Variants in SEPTIN7 observed in about 807,000 individuals in gnomAD.
The protein encoded by SEPTIN7 is septin-7.
A neutral mutation model predicts 63.3 loss-of-function variants in SEPTIN7; 10 were observed. That is an observed-to-expected ratio of 0.16 (90% CI 0.10 to 0.27). The LOEUF (loss-of-function observed/expected upper bound fraction) is 0.27, where lower values mean the gene tolerates loss of function less well. Ranked by LOEUF, SEPTIN7 falls within the 10% of genes least tolerant of loss-of-function variation. The probability of loss-of-function intolerance (pLI) is 1.00; values close to 1 mark genes in which losing one functional copy is unlikely to be tolerated. For synonymous variants in SEPTIN7, 131 were observed against 165.3 expected, an observed-to-expected ratio of 0.79 and a Z score of 1.59; for missense variants, 310 against 521.0, an observed-to-expected ratio of 0.59 and a Z score of 3.94.
At chr7:35,886,413 C>G (rs1166470108) in intron 10 of SEPTIN7, among the ~76,000 whole-genome samples, 3 of 93,788 alleles carry the variant, frequency 3.2e-5, no homozygotes, top group African/African-American at 1.1e-4. Context: ...TCGAGGCCAT[C>G]CTGATTAGAG....
At chr7:35,835,293 A>C (rs1197361552) in intron 3 of SEPTIN7, among the ~76,000 whole-genome samples, 1 of 152,196 alleles carries the variant, frequency 6.6e-6, no homozygotes, top group African/African-American at 2.4e-5. Flanking sequence ...AATTGGGGCC[A>C]AGATTGAAGG....
chr7:35,821,785 T>A (rs1789424688), intron 1 of SEPTIN7, among the ~76,000 whole-genome samples: 1 of 152,236 alleles, frequency 6.6e-6, no homozygotes, highest in Non-Finnish European at 1.5e-5. Flanking sequence ...TTATTATTTT[T>A]ATTTTTATTT....
At chr7:35,821,921 G>C (rs1789433841) in intron 1 of SEPTIN7, among the ~76,000 whole-genome samples, 1 of 152,078 alleles carries the variant, frequency 6.6e-6, no homozygotes, top group Non-Finnish European at 1.5e-5. Context: ...TGCGATTACA[G>C]GTGCATGCCT....
chr7:35,873,242 A>G (rs544343871), intron 5 of SEPTIN7, among the ~76,000 whole-genome samples: 1 of 151,912 alleles, frequency 6.6e-6, no homozygotes, highest in African/African-American at 2.4e-5. Context: ...TTGAATTCAC[A>G]TTGTTTTTGA....
intron 9 of SEPTIN7, among the ~76,000 whole-genome samples, chr7:35,884,726 T>C (rs763297935): frequency 2.1e-4 from 32 of 152,326 alleles, no homozygotes; most frequent in Admixed American, 3.9e-4. Context: ...CTTTTTGATA[T>C]CTCATATTTA....
At chr7:35,826,933 A>G (rs1348853947) in intron 1 of SEPTIN7, among the ~76,000 whole-genome samples, 2 of 152,160 alleles carry the variant, frequency 1.3e-5, no homozygotes, top group East Asian at 3.8e-4. Context: ...TCAGTAATCT[A>G]TCTATTAGAA....
intron 8 of SEPTIN7, among the ~76,000 whole-genome samples, 159 bp from the exon 9 acceptor site, chr7:35,883,732 C>G (rs1338479529): frequency 1.3e-5 from 2 of 150,936 alleles, no homozygotes; most frequent in African/African-American, 4.9e-5. Flanking sequence ...TGGCAGTTTA[C>G]TAAATATTTG....
At chr7:35,893,850 A>C (rs1479793392) in intron 11 of SEPTIN7, among the ~76,000 whole-genome samples, 3 of 152,206 alleles carry the variant, frequency 2.0e-5, no homozygotes. Flanking sequence ...TTGTCCAGTC[A>C]GCTATAATTT....
At chr7:35,909,708 T>C (rs6980161), downstream of SEPTIN7, among the ~76,000 whole-genome samples, 143,628 of 152,264 alleles carry the variant, frequency 0.94, 68,217 homozygotes, top group East Asian at 1. Flanking sequence ...CCTGAGAAGG[T>C]TATGACATGG....
chr7:35,822,010 G>C (rs1426080268), intron 1 of SEPTIN7, among the ~76,000 whole-genome samples: 1 of 152,144 alleles, frequency 6.6e-6, no homozygotes, highest in East Asian at 1.9e-4. Context: ...ACCGACCTCA[G>C]ATGATCCACC....
chr7:35,912,235 T>C, the SEPTIN7 span, among the ~76,000 whole-genome samples: 1 of 152,194 alleles, frequency 6.6e-6, no homozygotes, highest in Non-Finnish European at 1.5e-5. Flanking sequence ...TGGAAGGTTG[T>C]GGGTTTACCG....
chr7:35,868,377 G>A (rs1224131763), intron 4 of SEPTIN7, among the ~76,000 whole-genome samples: 2 of 152,164 alleles, frequency 1.3e-5, no homozygotes, highest in African/African-American at 4.8e-5. Flanking sequence ...TAACATATTT[G>A]AATGCTTGTC....
intron 10 of SEPTIN7, among the ~76,000 whole-genome samples, chr7:35,889,642 C>T (rs970182344): frequency 3.9e-5 from 6 of 152,126 alleles, no homozygotes; most frequent in Non-Finnish European, 8.8e-5. Context: ...TTCCTGGGTT[C>T]AAGCGATTCT....
chr7:35,804,367 A>C (rs1239659384), intron 1 of SEPTIN7, among the ~76,000 whole-genome samples: 1 of 152,192 alleles, frequency 6.6e-6, no homozygotes, highest in Non-Finnish European at 1.5e-5. Flanking sequence ...CTGGAGACTA[A>C]GCTTTGAGCA....
Position 35,801,243 on chromosome 7 carries a change from G to T in SEPTIN7, c.34G>T (p.Glu12Ter), listed in dbSNP as rs1468288535. 1 of 1,536,348 alleles carries T rather than the reference G, an allele frequency of 6.5e-7. No homozygotes were observed. Among genetic ancestry groups the T allele is most frequent in the Non-Finnish European group, 8.7e-7 (1 of 1,142,864 alleles). ...SVSARSAAAEERSVNSSTMVA... is the reference protein window; with the variant it reads ...SVSARSAAAE The stretch of plus-strand genomic sequence containing the variant: ...CAGTGCGAGATCCGCTGCTGCTGAG[G>T]AGAGGAGCGTCAACAGCAGCACCAT... The change falls in exon 1 of 14, where the codon GAG becomes TAG. Residue 12 changes from glutamate (E) to a stop codon, truncating the protein, a stop_gained. Transcript: ENST00000350320. LOFTEE classifies it high-confidence loss of function.
intron 3 of SEPTIN7, among the ~76,000 whole-genome samples, chr7:35,848,807 T>C (rs952259448): frequency 3.9e-5 from 6 of 152,144 alleles, no homozygotes; most frequent in Non-Finnish European, 8.8e-5. Flanking sequence ...TCTGGTAACA[T>C]GATGATTTAA....
At chr7:35,858,248 A>G (rs1228572420) in intron 3 of SEPTIN7, among the ~76,000 whole-genome samples, 2 of 151,616 alleles carry the variant, frequency 1.3e-5, no homozygotes, top group Non-Finnish European at 2.9e-5. Flanking sequence ...CCCAACCCCC[A>G]CTTTTATTTC....
chr7:35,882,692 T>G, intron 8 of SEPTIN7, 116 bp downstream of exon 8: 1 of 911,932 alleles, frequency 1.1e-6, no homozygotes, highest in Non-Finnish European at 1.4e-6. Flanking sequence ...ACAAAATACC[T>G]AGGGAGATTT....
At chr7:35,813,101 A>C (rs931119887) in intron 1 of SEPTIN7, among the ~76,000 whole-genome samples, 3 of 152,142 alleles carry the variant, frequency 2.0e-5, no homozygotes, top group South Asian at 2.1e-4. Context: ...GAAGTGCCAA[A>C]CCCTTTATGT....
Sources: gnomAD v4.1 joint callset for allele counts (sites outside exome capture counted in the v4.1 genomes callset) on GRCh38, gnomAD v4.1.1 for gene constraint, MANE v1.5 for transcripts, NCBI Gene and HGNC (gene_info 2026-07-23, HGNC 2026-07-21) for gene names.